Variants in FNBP1 observed in about 807,000 individuals in gnomAD.
FNBP1 encodes formin binding protein 1.
A neutral mutation model predicts 90.6 loss-of-function variants in FNBP1; 26 were observed. That is an observed-to-expected ratio of 0.29 (90% CI 0.21 to 0.40). FNBP1 has a LOEUF of 0.40. FNBP1 is among the 10% of genes least tolerant of loss of function. The pLI, the probability that FNBP1 is intolerant of heterozygous loss-of-function variation, is 1.00. For missense variants in FNBP1, 635 were observed against 768.0 expected, an observed-to-expected ratio of 0.83 and a Z score of 2.05; for synonymous variants, 260 against 265.2, an observed-to-expected ratio of 0.98 and a Z score of 0.19.
At chr9:129,930,684 G>C (rs1397826137) in intron 6 of FNBP1, among the ~76,000 whole-genome samples, 1 of 152,188 alleles carries the variant, frequency 6.6e-6, no homozygotes, top group African/African-American at 2.4e-5. Flanking sequence ...GGATTTTAAA[G>C]TTCAAACAGG....
At chr9:129,948,671 T>C (rs1378953045) in intron 6 of FNBP1, among the ~76,000 whole-genome samples, 2 of 152,124 alleles carry the variant, frequency 1.3e-5, no homozygotes, top group Admixed American at 6.6e-5. Context: ...GCCTCCCAAA[T>C]AGCTGGGATT....
chr9:129,918,881 A>C (rs890366479), intron 10 of FNBP1: 33 of 178,138 alleles, frequency 1.9e-4, no homozygotes, highest in African/African-American at 7.4e-4. Context: ...GAAAAACAAA[A>C]AAAAAAACAA....
At chr9:129,990,382 G>C (rs573160094) in intron 2 of FNBP1, among the ~76,000 whole-genome samples, 1 of 152,292 alleles carries the variant, frequency 6.6e-6, no homozygotes, top group African/African-American at 2.4e-5. Flanking sequence ...GGAAGCAGGA[G>C]AGGGAGTCAG....
chr9:129,958,939 T>C (rs1227086148), intron 4 of FNBP1, among the ~76,000 whole-genome samples: 2 of 117,874 alleles, frequency 1.7e-5, no homozygotes, highest in African/African-American at 3.3e-5. Flanking sequence ...TGAGCTGTGA[T>C]TGCACCACTG....
chr9:129,957,352 C>T lies in FNBP1; in HGVS notation c.513+8G>A. The T allele has an allele frequency of 6.3e-7, 1 of 1,598,650 alleles. No homozygotes were observed. The highest frequency in any genetic ancestry group is 8.6e-7 in the Non-Finnish European group (1 of 1,167,666). On this transcript the variant is annotated splice_region_variant and intron_variant, in intron 6 of 16. Transcript: ENST00000446176. The surrounding 1 kb of genome is among the most constrained non-coding windows in gnomAD (Gnocchi z 4.3). Reference sequence around the variant, plus strand: ...CGTGCCCGGCCCACACTTGAGCTTTCACCTCACCTTTTCAACATCCGCTTT... The same window carrying T: ...CGTGCCCGGCCCACACTTGAGCTTTTACCTCACCTTTTCAACATCCGCTTT...
chr9:129,896,075 C>T (rs923498511), intron 15 of FNBP1, 79 bp from the exon 16 acceptor site: 2 of 1,429,222 alleles, frequency 1.4e-6, no homozygotes, highest in Non-Finnish European at 1.9e-6. Context: ...CGCAATGAAA[C>T]AAGTGTCGTC....
intron 4 of FNBP1, among the ~76,000 whole-genome samples, chr9:129,976,242 C>T (rs552854168): frequency 6.6e-6 from 1 of 152,160 alleles, no homozygotes; most frequent in Admixed American, 6.6e-5. Context: ...GGGAGCTGTC[C>T]TGTATATTGT....
chr9:129,914,632 AG>A (rs1452141851), intron 11 of FNBP1, among the ~76,000 whole-genome samples: 2 of 151,750 alleles, frequency 1.3e-5, no homozygotes, highest in Non-Finnish European at 2.9e-5. Flanking sequence ...GACTCTTCTC[AG>A]GATTTTATTT....
At chr9:129,918,889 C>A (rs7022081) in intron 10 of FNBP1, 3,795 of 162,962 alleles carry the variant, frequency 0.023, 162 homozygotes, top group African/African-American at 0.088. Context: ...AAAAAAAAAA[C>A]AAAAAAACAA....
chr9:129,956,096 G>C (rs927236791), intron 6 of FNBP1, among the ~76,000 whole-genome samples: 3 of 152,042 alleles, frequency 2.0e-5, no homozygotes, highest in Admixed American at 2.0e-4. Context: ...TGGACTCCTG[G>C]GCTCAAGCAA....
At chr9:130,002,174 G>C (rs1031819260) in intron 1 of FNBP1, among the ~76,000 whole-genome samples, 1 of 151,964 alleles carries the variant, frequency 6.6e-6, no homozygotes, top group East Asian at 1.9e-4. Context: ...AGGCAACAAA[G>C]CAAGACTCCA....
chr9:130,049,713 A>T, the FNBP1 span, among the ~76,000 whole-genome samples: 2 of 152,114 alleles, frequency 1.3e-5, no homozygotes, highest in African/African-American at 4.8e-5. Context: ...AAAAAAATAA[A>T]AATAAAAATA....
intron 2 of FNBP1, among the ~76,000 whole-genome samples, chr9:129,987,830 T>C (rs2052529483): frequency 6.6e-6 from 1 of 152,074 alleles, no homozygotes; most frequent in Non-Finnish European, 1.5e-5. Flanking sequence ...GCTTAGCGCA[T>C]CCCTCAGTTT....
At chr9:129,978,364 C>T in intron 4 of FNBP1, 101 bp downstream of exon 4, 1 of 1,014,800 alleles carries the variant, frequency 9.9e-7, no homozygotes, top group Non-Finnish European at 1.5e-6. Flanking sequence ...GAGTTTAAGA[C>T]CCATAGTCTT....
At chr9:129,969,286 A>G (rs1310806919) in intron 4 of FNBP1, among the ~76,000 whole-genome samples, 1 of 152,216 alleles carries the variant, frequency 6.6e-6, no homozygotes, top group Non-Finnish European at 1.5e-5. Flanking sequence ...AACATAAATT[A>G]TCAGAGTTTT....
intron 4 of FNBP1, among the ~76,000 whole-genome samples, chr9:129,975,158 G>A (rs2050112887): frequency 6.6e-6 from 1 of 152,142 alleles, no homozygotes; most frequent in African/African-American, 2.4e-5. Flanking sequence ...GGCGGAGGCT[G>A]CAGTAAGCCG....
intron 1 of FNBP1, among the ~76,000 whole-genome samples, chr9:130,005,296 G>A (rs1009761886): frequency 2.6e-5 from 4 of 151,312 alleles, no homozygotes; most frequent in East Asian, 3.9e-4. Context: ...TTAACTTCTC[G>A]AGCTTTTAAC....
Position 129,895,520 on chromosome 9 carries a change from CT to C in FNBP1, c.1846+317del, listed in dbSNP as rs202046900. ...AGAAAGATGAGAAGCTACAATGCAACTTTTTTTTTAATCTACAGATACCGCC... is the reference window on the plus strand; with the variant it reads ...AGAAAGATGAGAAGCTACAATGCAACTTTTTTTTAATCTACAGATACCGCC... On this transcript the variant is annotated intron_variant, in intron 16 of 16. Coordinates refer to ENST00000446176, the MANE Select transcript of FNBP1 (RefSeq NM_015033.3). 444 of 1,186,856 alleles carry C rather than the reference CT, an allele frequency of 3.7e-4. 1 individual carries two copies. The highest frequency in any genetic ancestry group is 1.0e-3 in the East Asian group (29 of 28,450). The allele number at this position is 1,186,856 out of a possible 1,614,324, so 73.5% of individuals were successfully genotyped here. A position where few individuals can be genotyped will look rare whatever the true frequency, so the allele number is the denominator to read the frequency against.
intron 1 of FNBP1, among the ~76,000 whole-genome samples, chr9:129,998,117 A>C (rs1347582848): frequency 6.8e-6 from 1 of 147,700 alleles, no homozygotes; most frequent in African/African-American, 2.5e-5. Context: ...AATCCACTGA[A>C]CTCAGGAGAC....
Sources: allele counts gnomAD v4.1 joint callset (sites outside exome capture counted in the v4.1 genomes callset), GRCh38; gene constraint gnomAD v4.1.1; non-coding constraint Gnocchi (gnomAD v3.1); transcripts MANE v1.5; gene names NCBI Gene and HGNC (gene_info 2026-07-23, HGNC 2026-07-21).